Variants in MAP1LC3A observed in about 807,000 individuals in gnomAD.
MAP1LC3A encodes microtubule associated protein 1 light chain 3 alpha.
A neutral mutation model predicts 15.2 loss-of-function variants in MAP1LC3A; 10 were observed. The ratio of observed to expected loss-of-function variants is 0.66; its 90% CI spans 0.41 to 1.12. MAP1LC3A has a LOEUF of 1.12. MAP1LC3A is among the 50% of genes most tolerant of loss of function. MAP1LC3A has a pLI of 0.00. For synonymous variants in MAP1LC3A, 63 were observed against 64.3 expected (o/e 0.98, Z 0.10); for missense variants, 138 against 167.3 (o/e 0.82, Z 0.97).
At chr20:34,551,856 G>T (rs1232536999) in intron 2 of MAP1LC3A, among the ~76,000 whole-genome samples, 1 of 152,052 alleles carries the variant, frequency 6.6e-6, no homozygotes, top group Non-Finnish European at 1.5e-5. Context: ...GCATTTCATT[G>T]TTTGTGAATT....
upstream of MAP1LC3A, chr20:34,558,672 G>C: frequency 8.0e-7 from 1 of 1,243,020 alleles, no homozygotes; most frequent in Non-Finnish European, 1.0e-6. The surrounding 1 kb of genome is among the most constrained non-coding windows in gnomAD (Gnocchi z 4.3). Context: ...CAATGGGAGC[G>C]GCGCACTGGC....
upstream of MAP1LC3A, among the ~76,000 whole-genome samples, chr20:34,556,157 C>T (rs1982151255): frequency 6.6e-6 from 1 of 152,160 alleles, no homozygotes; most frequent in Non-Finnish European, 1.5e-5. Context: ...GTTTTCTTAG[C>T]ATATGTATCC....
At chr20:34,558,098 C>T (rs965089446), upstream of MAP1LC3A, 2 of 985,540 alleles carry the variant, frequency 2.0e-6, no homozygotes, top group Non-Finnish European at 2.4e-6. The surrounding 1 kb of genome is among the most constrained non-coding windows in gnomAD (Gnocchi z 4.3). Context: ...CCATCTGTGC[C>T]CTTTTCCTTA....
exon 1 of MAP1LC3A, chr20:34,546,904 A>AT (rs1046064832): frequency 6.6e-6 from 1 of 152,182 alleles, no homozygotes; most frequent in African/African-American, 2.4e-5. Flanking sequence ...AGGAGAAAGG[A>AT]TTTTGAGGAG....
chr20:34,552,586 C>T (rs1981988241), intron 2 of MAP1LC3A, among the ~76,000 whole-genome samples: 1 of 152,228 alleles, frequency 6.6e-6, no homozygotes, highest in South Asian at 2.1e-4. Context: ...CCACGGCCTC[C>T]TGGGCCACCA....
chr20:34,559,671 G>A, intron 3 of MAP1LC3A, 65 bp from the exon 4 acceptor site: 1 of 1,506,166 alleles, frequency 6.6e-7, no homozygotes, highest in Non-Finnish European at 9.0e-7. Flanking sequence ...TCATTCTGGG[G>A]GTCAGGGCTA....
intron 2 of MAP1LC3A, among the ~76,000 whole-genome samples, chr20:34,551,532 C>CA (rs1414144891): frequency 7.4e-6 from 1 of 135,020 alleles, no homozygotes; most frequent in Non-Finnish European, 1.5e-5. Context: ...AGTGCAGTGG[C>CA]ACGATTTCGG....
chr20:34,559,291 C>A, intron 2 of MAP1LC3A, 28 bp downstream of exon 2: 1 of 1,580,576 alleles, frequency 6.3e-7, no homozygotes. Context: ...AGCCCTGCCC[C>A]GCCCCCGCCT....
intron 1 of MAP1LC3A, chr20:34,549,791 G>A: frequency 1.7e-6 from 1 of 580,002 alleles, no homozygotes. Context: ...TGGTGGGCGT[G>A]TCTTAGGGAG....
rs575350119 is a variant in MAP1LC3A, at chr20:34,548,700, G to A, written c.-73-1205G>A. Among the ~76,000 whole-genome samples the A allele has an allele frequency of 4.2e-5, 6 of 141,458 alleles. No individual in the cohort carries two copies. In the South Asian group the frequency reaches 1.1e-3, roughly 26 times the overall value. 92.8% of individuals were successfully genotyped at this position (141,458 alleles called of 152,430 possible). ...TACAATCTTTGGAGTGTTCCCCTTCGCTGCCTTTTTTTTTTTTTTTTAAAG... is the reference window on the plus strand; with the variant it reads ...TACAATCTTTGGAGTGTTCCCCTTCACTGCCTTTTTTTTTTTTTTTTAAAG... On this transcript the variant is annotated intron_variant, in intron 1 of 4. Coordinates refer to the MAP1LC3A transcript ENST00000374837.
At chr20:34,559,103 G>A (rs1296573905) in intron 1 of MAP1LC3A, 105 bp from the exon 2 acceptor site, 25 of 1,353,708 alleles carry the variant, frequency 1.8e-5, no homozygotes, top group Non-Finnish European at 2.3e-5. Flanking sequence ...TGGCCCCGGG[G>A]GTGGGGGCTG....
At chr20:34,553,846 G>T (rs1348191336), upstream of MAP1LC3A, among the ~76,000 whole-genome samples, 1 of 152,134 alleles carries the variant, frequency 6.6e-6, no homozygotes, top group African/African-American at 2.4e-5. Flanking sequence ...ACAGGGTGTG[G>T]TTCTGTTATA....
chr20:34,553,748 A>G, upstream of MAP1LC3A, among the ~76,000 whole-genome samples: 1 of 152,236 alleles, frequency 6.6e-6, no homozygotes. Flanking sequence ...GGTGGCTGCC[A>G]GAGACCACAT....
rs1439313079 is a variant in MAP1LC3A at position 34,560,116 on chromosome 20, G to T, written c.*218G>T. The T allele has an allele frequency of 2.8e-5, 13 of 458,626 alleles. No homozygotes were observed. The highest frequency in any genetic ancestry group is 5.1e-5 in the Non-Finnish European group (13 of 253,756). 28.4% of individuals were successfully genotyped at this position (458,626 alleles called of 1,614,324 possible). A position where few individuals can be genotyped will look rare whatever the true frequency, so the allele number is the denominator to read the frequency against. ...CTCTGGGTGCTGGCTGGTGGGATGG[G>T]GGAGGGTGGGGAGCAGCTCCCAGCA... On this transcript the variant is annotated 3_prime_UTR_variant, in exon 4 of 4. Coordinates refer to ENST00000360668, the MANE Select transcript of MAP1LC3A (RefSeq NM_032514.4).
upstream of MAP1LC3A, among the ~76,000 whole-genome samples, chr20:34,554,502 T>C (rs899326052): frequency 6.6e-6 from 1 of 151,668 alleles, no homozygotes; most frequent in African/African-American, 2.4e-5. Flanking sequence ...GCCTCCCAAG[T>C]AGCTGGGACT....
chr20:34,559,915 C>A lies in MAP1LC3A; in HGVS notation c.*17C>A. 1 of 1,604,230 alleles carries A rather than the reference C, an allele frequency of 6.2e-7. No individual in the cohort carries two copies. On this transcript the variant is annotated 3_prime_UTR_variant, in exon 4 of 4. Coordinates refer to ENST00000360668, the MANE Select transcript of MAP1LC3A (RefSeq NM_032514.4). ...GGCTTCTGAGCCAGCAGTAGGGGGG[C>A]TCGGCCTGGGAGTCGGGCGGCCCCG...
At chr20:34,553,721 C>T (rs947169724), upstream of MAP1LC3A, among the ~76,000 whole-genome samples, 1 of 152,160 alleles carries the variant, frequency 6.6e-6, no homozygotes, top group African/African-American at 2.4e-5. Context: ...CTGTCTAAGG[C>T]CACTACAGCA....
upstream of MAP1LC3A, among the ~76,000 whole-genome samples, chr20:34,555,273 G>A (rs1392213410): frequency 6.6e-6 from 1 of 151,712 alleles, no homozygotes; most frequent in Non-Finnish European, 1.5e-5. Flanking sequence ...AGCCTCCCAA[G>A]TAGCTGAGAT....
At chr20:34,549,783 G>C in intron 1 of MAP1LC3A, 1 of 544,032 alleles carries the variant, frequency 1.8e-6, no homozygotes, top group African/African-American at 1.9e-5. Flanking sequence ...CATGGCACTG[G>C]TGGGCGTGTC....
Sources: allele counts gnomAD v4.1 joint callset (sites outside exome capture counted in the v4.1 genomes callset), GRCh38; gene constraint gnomAD v4.1.1; non-coding constraint Gnocchi (gnomAD v3.1); transcripts MANE v1.5; gene names NCBI Gene and HGNC (gene_info 2026-07-23, HGNC 2026-07-21).